CCDC91: variants seen among roughly 807,000 people sequenced by gnomAD.
CCDC91 encodes the protein coiled-coil domain-containing protein 91.
Under a neutral mutation model 63.2 loss-of-function variants are expected in CCDC91, and 48 were observed. The ratio of observed to expected loss-of-function variants is 0.76; its 90% CI spans 0.60 to 0.97. The LOEUF is 0.97. Among genes scored for constraint, CCDC91 ranks in the 50% least tolerant of loss-of-function variants. CCDC91 has a pLI of 0.00. For missense variants in CCDC91, 500 were observed against 494.6 expected (o/e 1.01, Z -0.10); for synonymous variants, 167 against 165.8 (o/e 1.01, Z -0.06).
At chr12:28,363,355 T>C (rs931314260) in intron 7 of CCDC91, among the ~76,000 whole-genome samples, 1 of 152,210 alleles carries the variant, frequency 6.6e-6, no homozygotes, top group Non-Finnish European at 1.5e-5. Context: ...ACATATAAGC[T>C]TTTCCTATTT....
chr12:28,253,660 C>T (rs1389586603), intron 1 of CCDC91, among the ~76,000 whole-genome samples: 8 of 152,156 alleles, frequency 5.3e-5, no homozygotes, highest in Admixed American at 2.6e-4. Context: ...GTAGTTTTCT[C>T]ATTTCACATT....
intron 7 of CCDC91, among the ~76,000 whole-genome samples, chr12:28,365,004 A>C (rs1293465538): frequency 1.3e-5 from 2 of 152,198 alleles, no homozygotes; most frequent in Non-Finnish European, 2.9e-5. Flanking sequence ...AAGTCATATG[A>C]TTAATCAATA....
At chr12:28,500,318 CT>C (rs1238395501) in intron 12 of CCDC91, among the ~76,000 whole-genome samples, 1 of 151,576 alleles carries the variant, frequency 6.6e-6, no homozygotes, top group African/African-American at 2.4e-5. Flanking sequence ...ATGATAGTTT[CT>C]TTTGCTGTGC....
chr12:28,342,844 G>A (rs1284092935), intron 6 of CCDC91, among the ~76,000 whole-genome samples: 1 of 152,152 alleles, frequency 6.6e-6, no homozygotes, highest in Non-Finnish European at 1.5e-5. Flanking sequence ...CATTTTATAA[G>A]AATGGAGTAA....
chr12:28,343,068 G>T (rs1278097101), intron 6 of CCDC91, among the ~76,000 whole-genome samples: 1 of 151,956 alleles, frequency 6.6e-6, no homozygotes, highest in Non-Finnish European at 1.5e-5. Context: ...GATATGTTTG[G>T]TGGGGATGGG....
Position 28,305,759 on chromosome 12 carries a change from A to T in CCDC91, c.220A>T (p.Thr74Ser). 6.2e-7 allele frequency: 1 copy of T among 1,613,176 alleles called. No individual in the cohort carries two copies. The highest frequency in any genetic ancestry group is 1.1e-5 in the South Asian group (1 of 91,028). Residue 74 changes from threonine (T) to serine (S), a missense_variant, in exon 4 of 13, where the codon ACA becomes TCA. By Grantham distance (58) the Thr-to-Ser change is moderately conservative. Coordinates refer to ENST00000536442, the MANE Select transcript of CCDC91 (RefSeq NM_018318.5). ...SDAIISSPEN[T>S]HAANSIVSQT... ...TGCCATTATTTCATCACCAGAGAAT[A>T]CACATGCAGCAAATAGCATTGTGAG...
At chr12:28,455,586 A>G (rs552634522) in intron 11 of CCDC91, among the ~76,000 whole-genome samples, 3 of 152,278 alleles carry the variant, frequency 2.0e-5, no homozygotes, top group Admixed American at 1.3e-4. Context: ...AAGGGAAACA[A>G]TAATAGTTCC....
At chr12:28,498,965 A>G (rs1337374252) in intron 12 of CCDC91, among the ~76,000 whole-genome samples, 1 of 151,710 alleles carries the variant, frequency 6.6e-6, no homozygotes, top group African/African-American at 2.4e-5. Flanking sequence ...CTGAAACATA[A>G]CAGATGTTTA....
intron 3 of CCDC91, among the ~76,000 whole-genome samples, chr12:28,267,057 C>T (rs1161133837): frequency 6.6e-6 from 1 of 151,260 alleles, no homozygotes; most frequent in Non-Finnish European, 1.5e-5. Flanking sequence ...GAGAGACACA[C>T]GTATGTACAT....
At chr12:28,240,228 T>C (rs1186098223) in intron 1 of CCDC91, among the ~76,000 whole-genome samples, 1 of 152,174 alleles carries the variant, frequency 6.6e-6, no homozygotes, top group Non-Finnish European at 1.5e-5. Flanking sequence ...GATTCCCTCT[T>C]ATGCATGTTT....
At chr12:28,547,138 T>G (rs1173191741) in intron 12 of CCDC91, among the ~76,000 whole-genome samples, 2 of 152,084 alleles carry the variant, frequency 1.3e-5, no homozygotes, top group Non-Finnish European at 2.9e-5. Flanking sequence ...AACCCATCTT[T>G]AAATGCTTAA....
At chr12:28,495,279 A>G (rs1009198745) in intron 12 of CCDC91, among the ~76,000 whole-genome samples, 2 of 151,758 alleles carry the variant, frequency 1.3e-5, no homozygotes, top group African/African-American at 4.8e-5. Flanking sequence ...TGGGGAAGAC[A>G]TTACAAATTT....
At chr12:28,510,233 G>T (rs1314769167) in intron 12 of CCDC91, among the ~76,000 whole-genome samples, 1 of 149,020 alleles carries the variant, frequency 6.7e-6, no homozygotes, top group Non-Finnish European at 1.5e-5. Context: ...AGAGTCAATA[G>T]GGCATGTGTG....
Position 28,284,874 on chromosome 12 carries a change from C to T in CCDC91, c.110-20775C>T, listed in dbSNP as rs548596633. The stretch of plus-strand genomic sequence containing the variant: ...CGTTGGACTACCACCTGTGAAATAG[C>T]GTATATTAACTGTCTCTTCCTACAA... On this transcript the variant is annotated intron_variant, in intron 3 of 12. Coordinates refer to ENST00000536442, the MANE Select transcript of CCDC91 (RefSeq NM_018318.5). Among the ~76,000 whole-genome samples, 8 of 152,216 alleles carry T rather than the reference C, an allele frequency of 5.3e-5. No individual in the cohort carries two copies. The South Asian group carries it at 6.2e-4, about 12-fold the overall frequency.
Position 28,232,851 on chromosome 12 carries a change from C to T in CCDC91, c.-14-24351C>T, listed in dbSNP as rs375318701. On this transcript the variant is annotated intron_variant, in intron 1 of 12. Transcript: ENST00000536442. Reference sequence around the variant, plus strand: ...CAAAAATTAGCTGGGCGTGTTGGTGCATGCCTGTAATCCCAGCTACTCAGA... The same window carrying T: ...CAAAAATTAGCTGGGCGTGTTGGTGTATGCCTGTAATCCCAGCTACTCAGA... 1.5e-4 allele frequency among the ~76,000 whole-genome samples: 23 copies of T among 151,812 alleles called. 1 individual carries two copies. Among genetic ancestry groups the T allele is most frequent in the African/African-American group, 5.6e-4 (23 of 41,392 alleles).
chr12:28,446,909 G>A (rs1312820164), intron 8 of CCDC91, among the ~76,000 whole-genome samples: 1 of 152,218 alleles, frequency 6.6e-6, no homozygotes, highest in Non-Finnish European at 1.5e-5. Flanking sequence ...GACAAAAAGA[G>A]CAAGGATTCC....
intron 6 of CCDC91, among the ~76,000 whole-genome samples, chr12:28,355,180 A>G (rs1943441300): frequency 6.6e-6 from 1 of 152,090 alleles, no homozygotes; most frequent in Non-Finnish European, 1.5e-5. Flanking sequence ...ATGCCTTTGA[A>G]GATCTTAACA....
At chr12:28,532,241 T>A (rs1392240563) in intron 12 of CCDC91, among the ~76,000 whole-genome samples, 1 of 151,856 alleles carries the variant, frequency 6.6e-6, no homozygotes, top group Non-Finnish European at 1.5e-5. Flanking sequence ...ACAAGGAAAG[T>A]GAAAAAAGTG....
chr12:28,333,059 A>T (rs1301964943), intron 6 of CCDC91, among the ~76,000 whole-genome samples: 3 of 152,116 alleles, frequency 2.0e-5, no homozygotes, highest in African/African-American at 7.2e-5. Context: ...TCTACCTGGT[A>T]TGACCTTAGC....
Sources: gnomAD v4.1 joint callset for allele counts (sites outside exome capture counted in the v4.1 genomes callset) on GRCh38, gnomAD v4.1.1 for gene constraint, MANE v1.5 for transcripts, NCBI Gene and HGNC (gene_info 2026-07-23, HGNC 2026-07-21) for gene names.